KAZN: variants seen among roughly 807,000 people sequenced by gnomAD.
KAZN encodes the protein kazrin.
Under a neutral mutation model 87.4 loss-of-function variants are expected in KAZN, and 40 were observed. The observed-to-expected ratio is 0.46, with a 90% CI of 0.36 to 0.60. The LOEUF is 0.60. Ranked by LOEUF, KAZN falls within the 20% of genes least tolerant of loss-of-function variation. The pLI is 0.00. For synonymous variants in KAZN, 466 were observed against 458.3 expected, an observed-to-expected ratio of 1.02 and a Z score of -0.22; for missense variants, 898 against 1,073.9, an observed-to-expected ratio of 0.84 and a Z score of 2.29.
chr1:14,317,943 C>A (rs1655774582), intron 2 of KAZN, among the ~76,000 whole-genome samples: 1 of 151,958 alleles, frequency 6.6e-6, no homozygotes, highest in South Asian at 2.1e-4. Flanking sequence ...GTTATCACAG[C>A]CTAACTTTAA....
chr1:14,841,574 C>T (rs1437054059), intron 1 of KAZN, among the ~76,000 whole-genome samples: 2 of 152,126 alleles, frequency 1.3e-5, no homozygotes, highest in Non-Finnish European at 2.9e-5. Context: ...TGGCCATGCA[C>T]TGGCAGTAGG....
intron 1 of KAZN, among the ~76,000 whole-genome samples, chr1:14,727,790 C>T (rs11800608): frequency 0.31 from 46,232 of 151,308 alleles, 7,192 homozygotes; most frequent in South Asian, 0.37. Context: ...ATCATTGCAT[C>T]GTAATATGTA....
At chr1:13,920,092 A>G (rs962585684) in intron 1 of KAZN, among the ~76,000 whole-genome samples, 1 of 152,070 alleles carries the variant, frequency 6.6e-6, no homozygotes, top group African/African-American at 2.4e-5. Context: ...TCTACTAAAA[A>G]TACAAAAATT....
intron 2 of KAZN, among the ~76,000 whole-genome samples, chr1:14,341,896 G>T (rs1657754358): frequency 6.6e-6 from 1 of 152,134 alleles, no homozygotes; most frequent in African/African-American, 2.4e-5. Flanking sequence ...TTTGTGACAT[G>T]GGGGTTTGTC....
chr1:14,548,064 CA>C (rs1334611791), intron 2 of KAZN, among the ~76,000 whole-genome samples: 1 of 150,040 alleles, frequency 6.7e-6, no homozygotes, highest in Non-Finnish European at 1.5e-5. Context: ...TTGCAAATTG[CA>C]AAAAAAGATT....
At chr1:14,483,717 G>A (rs1413876225) in intron 2 of KAZN, among the ~76,000 whole-genome samples, 3 of 152,192 alleles carry the variant, frequency 2.0e-5, no homozygotes, top group Non-Finnish European at 4.4e-5. Flanking sequence ...TCAATAGGTT[G>A]TCTCTTCGTT....
intron 2 of KAZN, among the ~76,000 whole-genome samples, chr1:14,530,623 T>G (rs904861140): frequency 6.7e-6 from 1 of 150,238 alleles, no homozygotes; most frequent in African/African-American, 2.4e-5. Flanking sequence ...CACCTCCTCC[T>G]CTCTCTCTCT....
intron 1 of KAZN, among the ~76,000 whole-genome samples, chr1:14,903,151 G>T (rs1029923952): frequency 3.9e-5 from 6 of 152,072 alleles, no homozygotes; most frequent in Non-Finnish European, 7.4e-5. Context: ...TTACAGGTGT[G>T]AGCCACCACA....
chr1:14,449,794 C>A (rs1050192753), intron 2 of KAZN, among the ~76,000 whole-genome samples: 3 of 152,128 alleles, frequency 2.0e-5, no homozygotes, highest in African/African-American at 7.2e-5. Flanking sequence ...GCTTTCTGAA[C>A]AATGGGCTGA....
At chr1:14,526,231 C>T (rs1671857361) in intron 2 of KAZN, among the ~76,000 whole-genome samples, 1 of 152,172 alleles carries the variant, frequency 6.6e-6, no homozygotes, top group Admixed American at 6.5e-5. Context: ...TTTAATTTTA[C>T]ACATTTTTGC....
At chr1:14,991,422 G>A (rs1425930964) in intron 2 of KAZN, among the ~76,000 whole-genome samples, 1 of 152,138 alleles carries the variant, frequency 6.6e-6, no homozygotes, top group Non-Finnish European at 1.5e-5. Context: ...GTCCTCCAGA[G>A]CTACAAGCCA....
intron 2 of KAZN, among the ~76,000 whole-genome samples, chr1:14,227,080 CAGA>C (rs1283760213): frequency 2.0e-5 from 3 of 152,094 alleles, no homozygotes; most frequent in East Asian, 3.9e-4. Context: ...AATGTTCAGA[CAGA>C]AGAAGAAACA....
chr1:13,935,807 C>A (rs1300804540), intron 1 of KAZN, among the ~76,000 whole-genome samples: 1 of 151,672 alleles, frequency 6.6e-6, no homozygotes, highest in African/African-American at 2.4e-5. Context: ...CACTTCACAC[C>A]TCTGAGCCCC....
At chr1:14,157,118 A>G (rs75725017) in intron 1 of KAZN, among the ~76,000 whole-genome samples, 74 of 152,196 alleles carry the variant, frequency 4.9e-4, no homozygotes, top group Non-Finnish European at 9.4e-4. Flanking sequence ...AATACAGCTA[A>G]TAAGAACTCT....
intron 1 of KAZN, among the ~76,000 whole-genome samples, chr1:14,887,888 C>T (rs1375900072): frequency 1.3e-5 from 2 of 151,948 alleles, no homozygotes; most frequent in African/African-American, 4.8e-5. Flanking sequence ...CGTTATGTTT[C>T]ATTGTGGTGT....
chr1:14,747,222 A>G (rs138353293), intron 1 of KAZN, among the ~76,000 whole-genome samples: 1 of 152,312 alleles, frequency 6.6e-6, no homozygotes, highest in African/African-American at 2.4e-5. Context: ...GTATGTAGAT[A>G]GTTAGATGGA....
intron 1 of KAZN, among the ~76,000 whole-genome samples, chr1:14,698,746 C>T (rs1002203006): frequency 1.3e-5 from 2 of 152,228 alleles, no homozygotes; most frequent in Admixed American, 1.3e-4. Flanking sequence ...TCCCTGCTCC[C>T]AGAACCCTGA....
At chr1:14,419,914 A>T (rs182796838) in intron 2 of KAZN, among the ~76,000 whole-genome samples, 62 of 152,228 alleles carry the variant, frequency 4.1e-4, no homozygotes, top group South Asian at 8.3e-4. Flanking sequence ...AATGGGATTT[A>T]TTGCAAAGAG....
At chr1:14,884,294 A>T (rs1653804767) in intron 1 of KAZN, among the ~76,000 whole-genome samples, 1 of 152,162 alleles carries the variant, frequency 6.6e-6, no homozygotes, top group Admixed American at 6.5e-5. Context: ...CGGGAGGCTG[A>T]GGCAGGAGAA....
Sources: allele counts gnomAD v4.1 joint callset (sites outside exome capture counted in the v4.1 genomes callset), GRCh38; gene constraint gnomAD v4.1.1; transcripts MANE v1.5; gene names NCBI Gene and HGNC (gene_info 2026-07-23, HGNC 2026-07-21).